Variants in TUBG1 observed in about 807,000 individuals in gnomAD.
TUBG1 encodes the protein tubulin gamma 1, also known as tubulin gamma-1 chain.
TUBG1 carries 22 observed loss-of-function variants against 53.3 expected under a neutral mutation model. The observed-to-expected ratio is 0.41, with a 90% CI of 0.29 to 0.59. The LOEUF (loss-of-function observed/expected upper bound fraction) is 0.59, where lower values mean the gene tolerates loss of function less well. Among genes scored for constraint, TUBG1 ranks in the 20% least tolerant of loss-of-function variants. TUBG1 has a pLI of 0.26. For missense variants in TUBG1, 217 were observed against 598.9 expected (o/e 0.36, Z 6.66); for synonymous variants, 198 against 236.7 (o/e 0.84, Z 1.50).
intron 3 of TUBG1, among the ~76,000 whole-genome samples, 156 bp from the exon 4 acceptor site, chr17:42,611,919 A>G (rs1474377905): frequency 6.6e-6 from 1 of 152,146 alleles, no homozygotes; most frequent in Non-Finnish European, 1.5e-5. Flanking sequence ...TCTTGTAACC[A>G]CTGCACCGTA....
Position 42,614,420 on chromosome 17 carries a change from AGG to A in TUBG1, c.996+9_996+10del. ...GAGGTGGACCCCACCCAGGTAGGGG[AGG>A]CCCCTTCATCCCACACCCTGGACCT... On this transcript the variant is annotated intron_variant, in intron 9 of 10. Coordinates refer to ENST00000251413, the MANE Select transcript of TUBG1 (RefSeq NM_001070.5). The surrounding 1 kb of genome is among the most constrained non-coding windows in gnomAD (Gnocchi z 5.1). 6.2e-7 allele frequency: 1 copy of A among 1,613,928 alleles called. No individual in the cohort carries two copies. The highest frequency in any genetic ancestry group is 1.3e-5 in the African/African-American group (1 of 74,896).
At chr17:42,610,352 C>T (rs956310852) in intron 2 of TUBG1, 71 bp from the exon 3 acceptor site, 3 of 1,510,822 alleles carry the variant, frequency 2.0e-6, no homozygotes, top group Non-Finnish European at 2.7e-6. Flanking sequence ...CCGGAGGGAG[C>T]CAGAGTTGGG....
At chr17:42,613,768 A>G in intron 7 of TUBG1, 35 bp downstream of exon 7, 1 of 1,614,104 alleles carries the variant, frequency 6.2e-7, no homozygotes, top group Non-Finnish European at 8.5e-7. Context: ...TTGGACTTGA[A>G]GCCCTCCTTG....
rs1425448024 is a variant in TUBG1 at position 42,613,663 on chromosome 17, C to T, written c.623C>T (p.Thr208Ile). 6.2e-7 allele frequency: 1 copy of T among 1,614,128 alleles called. No individual in the cohort carries two copies. The highest frequency in any genetic ancestry group is 1.7e-5 in the Admixed American group (1 of 60,014). ...TCCCCCCAGGTGGTGCTGGACAACA[C>T]AGCCCTGAACCGGATTGCCACAGAC... ...NADCVVVLDN[T>I]ALNRIATDRL... is the part of the protein sequence containing the mutation. Residue 208 changes from threonine to isoleucine, a missense_variant, in exon 7 of 11, where the codon ACA becomes ATA. Physicochemically the swap from Thr to Ile is moderately conservative, Grantham distance 89. This residue lies in a region of TUBG1 where 135 missense variants were observed against 371.2 expected (regional missense o/e 0.36). Transcript: ENST00000251413.
chr17:42,609,684 G>C lies in TUBG1; in HGVS notation c.-54G>C, dbSNP rs1336344786. On this transcript the variant is annotated 5_prime_UTR_variant, in exon 1 of 11. Coordinates refer to ENST00000251413, the MANE Select transcript of TUBG1 (RefSeq NM_001070.5). ...CCTGCGTCTTGCGGCGAGCGGGCTGGCGTGCGGCGCCGTTGCGGGCGGGAG... is the reference window on the plus strand; with the variant it reads ...CCTGCGTCTTGCGGCGAGCGGGCTGCCGTGCGGCGCCGTTGCGGGCGGGAG... The C allele has an allele frequency of 6.5e-7, 1 of 1,528,566 alleles. No homozygotes were observed. The highest frequency in any genetic ancestry group is 8.8e-7 in the Non-Finnish European group (1 of 1,137,082). 94.7% of individuals were successfully genotyped at this position (1,528,566 alleles called of 1,614,324 possible).
intron 7 of TUBG1, 31 bp from the exon 8 acceptor site, chr17:42,613,818 G>C (rs1214528220): frequency 5.0e-6 from 8 of 1,614,050 alleles, no homozygotes; most frequent in Non-Finnish European, 6.8e-6. Context: ...CACCCAGGCT[G>C]AGGCCCATAA....
At chr17:42,613,811 C>A (rs576005001) in intron 7 of TUBG1, 38 bp from the exon 8 acceptor site, 2 of 1,614,148 alleles carry the variant, frequency 1.2e-6, no homozygotes, top group Non-Finnish European at 1.7e-6. Flanking sequence ...GAGGTCCCAC[C>A]CAGGCTGAGG....
chr17:42,612,963 G>A lies in TUBG1; in HGVS notation c.496G>A (p.Val166Met). The A allele has an allele frequency of 6.2e-7, 1 of 1,614,040 alleles. No homozygotes were observed. Among genetic ancestry groups the A allele is most frequent in the Non-Finnish European group, 8.5e-7 (1 of 1,179,990 alleles). Reference protein sequence around the residue: ...RLNDRYPKKLVQTYSVFPNQD... With the variant: ...RLNDRYPKKLMQTYSVFPNQD... ...CCCCACCAGGTATCCTAAGAAGCTG[G>A]TGCAGACATACTCAGTGTTTCCCAA... The change falls in exon 6 of 11, where the codon GTG (valine) becomes ATG (methionine). Residue 166 changes from valine to methionine, a missense_variant. By Grantham distance (21) the Val-to-Met change is conservative (BLOSUM62 1). This residue lies in a region of TUBG1 where 135 missense variants were observed against 371.2 expected (regional missense o/e 0.36). Transcript: ENST00000251413.
Position 42,614,186 on chromosome 17 carries a change from C to T in TUBG1, c.844-74C>T, listed in dbSNP as rs1012184956. On this transcript the variant is annotated intron_variant, in intron 8 of 10. Coordinates refer to ENST00000251413, the MANE Select transcript of TUBG1 (RefSeq NM_001070.5). The surrounding 1 kb of genome is among the most constrained non-coding windows in gnomAD (Gnocchi z 5.1). Reference sequence around the variant, plus strand: ...CTCTCCACCCTCCCTCTGCCTTTGGCTTCTGCCAAAGAGAAGCCAAAGGGG... The same window carrying T: ...CTCTCCACCCTCCCTCTGCCTTTGGTTTCTGCCAAAGAGAAGCCAAAGGGG... 12 of 1,606,118 alleles carry T rather than the reference C, an allele frequency of 7.5e-6. No individual in the cohort carries two copies. The African/African-American group carries it at 9.4e-5, about 13-fold the overall frequency.
In TUBG1 at chr17:42,614,025, C is replaced by A. The variant is rs371259967; in HGVS notation, c.843+27C>A. 1 of 1,614,062 alleles carries A rather than the reference C, an allele frequency of 6.2e-7. No individual in the cohort carries two copies. The highest frequency in any genetic ancestry group is 8.5e-7 in the Non-Finnish European group (1 of 1,179,960). On this transcript the variant is annotated intron_variant, in intron 8 of 10. Coordinates refer to ENST00000251413, the MANE Select transcript of TUBG1 (RefSeq NM_001070.5). This position sits in a 1 kb window ranked among gnomAD's most constrained non-coding sequence, Gnocchi z 5.1. The stretch of plus-strand genomic sequence containing the variant: ...TAAGAGCAGCCTTCAGTGTCCCAGG[C>A]CAGGCCGGCCCTGGGCCCAACAGGC...
intron 3 of TUBG1, among the ~76,000 whole-genome samples, chr17:42,611,575 G>C (rs2052034281): frequency 6.6e-6 from 1 of 152,180 alleles, no homozygotes; most frequent in Non-Finnish European, 1.5e-5. Context: ...GAGTTAATGG[G>C]CCAGGCGTGG....
chr17:42,612,526 T>C lies in TUBG1; in HGVS notation c.479+20T>C. The C allele has an allele frequency of 6.2e-7, 1 of 1,612,918 alleles. No homozygotes were observed. Among genetic ancestry groups the C allele is most frequent in the Non-Finnish European group, 8.5e-7 (1 of 1,179,110 alleles). ...TGACAGGTAAGTTTGTGTTTGGGGA[T>C]TAGGAAAGGTCTCCAACTTGGCTTC... On this transcript the variant is annotated intron_variant, in intron 5 of 10. Coordinates refer to ENST00000251413, the MANE Select transcript of TUBG1 (RefSeq NM_001070.5).
In TUBG1 at chr17:42,613,672, A is replaced by G; in HGVS notation, c.632A>G (p.Asn211Ser). ...CVVVLDNTAL[N>S]RIATDRLHIQ... The stretch of plus-strand genomic sequence containing the variant: ...GTGGTGCTGGACAACACAGCCCTGA[A>G]CCGGATTGCCACAGACCGCCTGCAC... The change falls in exon 7 of 11, where the codon AAC becomes AGC. Residue 211 changes from asparagine to serine, a missense_variant. Physicochemically the swap from Asn to Ser is conservative, Grantham distance 46 (BLOSUM62 1). Coordinates refer to ENST00000251413, the MANE Select transcript of TUBG1 (RefSeq NM_001070.5). 1 of 1,614,030 alleles carries G rather than the reference A, an allele frequency of 6.2e-7. No homozygotes were observed. The highest frequency in any genetic ancestry group is 8.5e-7 in the Non-Finnish European group (1 of 1,179,990).
chr17:42,610,889 A>G, intron 3 of TUBG1: 1 of 347,206 alleles, frequency 2.9e-6, no homozygotes, highest in Non-Finnish European at 5.2e-6. Flanking sequence ...CCATGAAACC[A>G]AAGGACATTT....
chr17:42,612,016 T>C, intron 3 of TUBG1, 59 bp from the exon 4 acceptor site: 1 of 1,553,774 alleles, frequency 6.4e-7, no homozygotes, highest in South Asian at 1.1e-5. Flanking sequence ...GTGGCTTTTC[T>C]GAGGTCAGAG....
At chr17:42,613,204 C>G (rs1445779734) in intron 6 of TUBG1, 131 bp downstream of exon 6, 5 of 1,384,806 alleles carry the variant, frequency 3.6e-6, no homozygotes, top group Non-Finnish European at 4.9e-6. Context: ...AATCCCATCA[C>G]TTTGGGAGGC....
Position 42,614,117 on chromosome 17 carries a change from C to T in TUBG1, c.843+119C>T, listed in dbSNP as rs571777953. 51 of 1,583,702 alleles carry T rather than the reference C, an allele frequency of 3.2e-5. No individual in the cohort carries two copies. The Middle Eastern group carries it at 1.0e-3, about 32-fold the overall frequency. ...ACCCTTTGTGGACCCCAAGGCGCGGCGCTCAGGGACTGGCACAGAGTGGGC... is the reference window on the plus strand; with the variant it reads ...ACCCTTTGTGGACCCCAAGGCGCGGTGCTCAGGGACTGGCACAGAGTGGGC... On this transcript the variant is annotated intron_variant, in intron 8 of 10. Transcript: ENST00000251413. The surrounding 1 kb of genome is among the most constrained non-coding windows in gnomAD (Gnocchi z 5.1).
At chr17:42,611,877 A>G (rs2052036671) in intron 3 of TUBG1, among the ~76,000 whole-genome samples, 198 bp from the exon 4 acceptor site, 1 of 152,172 alleles carries the variant, frequency 6.6e-6, no homozygotes, top group Non-Finnish European at 1.5e-5. Context: ...GAGCTAATGT[A>G]TGAACCCAGG....
intron 7 of TUBG1, 24 bp downstream of exon 7, chr17:42,613,757 T>G (rs199745260): frequency 1.9e-6 from 3 of 1,614,108 alleles, no homozygotes; most frequent in Non-Finnish European, 2.5e-6. Context: ...CCTGGACTCC[T>G]TTGGACTTGA....
Sources: gnomAD v4.1 joint callset for allele counts (sites outside exome capture counted in the v4.1 genomes callset) on GRCh38, gnomAD v4.1.1 for gene constraint, gnomAD v4.1.1 regional missense constraint, Gnocchi (gnomAD v3.1) non-coding constraint, MANE v1.5 for transcripts, NCBI Gene and HGNC (gene_info 2026-07-23, HGNC 2026-07-21) for gene names.